Variants in UNC5D observed in about 807,000 individuals in gnomAD.
UNC5D encodes the protein netrin receptor UNC5D.
Under a neutral mutation model 105.4 loss-of-function variants are expected in UNC5D, and 39 were observed. The observed-to-expected ratio is 0.37, with a 90% confidence interval of 0.29 to 0.48. UNC5D has a LOEUF of 0.48. UNC5D is among the 20% of genes least tolerant of loss of function. The pLI is 0.98. For synonymous variants in UNC5D, 452 were observed against 450.4 expected (o/e 1.00, Z -0.04); for missense variants, 991 against 1,202.4 (o/e 0.82, Z 2.60).
chr8:35,543,656 G>T (rs998910395), intron 1 of UNC5D, among the ~76,000 whole-genome samples: 3 of 151,914 alleles, frequency 2.0e-5, no homozygotes, highest in Non-Finnish European at 4.4e-5. Flanking sequence ...ATTATTCTTT[G>T]ACTTCTTTAT....
chr8:35,777,771 C>T (rs1352299567), intron 16 of UNC5D, among the ~76,000 whole-genome samples: 1 of 152,100 alleles, frequency 6.6e-6, no homozygotes, highest in Non-Finnish European at 1.5e-5. Flanking sequence ...AGTTTGCTGA[C>T]CCCTGATTTA....
intron 3 of UNC5D, among the ~76,000 whole-genome samples, chr8:35,569,111 T>C (rs1288014510): frequency 6.6e-6 from 1 of 152,028 alleles, no homozygotes; most frequent in African/African-American, 2.4e-5. Flanking sequence ...AAATTGCTTT[T>C]CAGAAGGGTC....
chr8:35,314,459 G>A (rs924121243), intron 1 of UNC5D, among the ~76,000 whole-genome samples: 3 of 152,100 alleles, frequency 2.0e-5, no homozygotes, highest in African/African-American at 4.8e-5. Flanking sequence ...TATCATGTAA[G>A]AGACACATTT....
chr8:35,769,194 C>T (rs913981568), intron 15 of UNC5D, among the ~76,000 whole-genome samples: 4 of 152,150 alleles, frequency 2.6e-5, no homozygotes, highest in African/African-American at 4.8e-5. Flanking sequence ...ATAAAAGTCT[C>T]AAAGGCATGA....
intron 1 of UNC5D, among the ~76,000 whole-genome samples, chr8:35,539,024 TATAAC>T (rs1349592329): frequency 2.6e-5 from 4 of 152,118 alleles, no homozygotes; most frequent in African/African-American, 9.7e-5. Context: ...AAAATTTTGA[TATAAC>T]TAAATGTTCA....
At chr8:35,573,978 G>C (rs927407641) in intron 3 of UNC5D, among the ~76,000 whole-genome samples, 1 of 152,108 alleles carries the variant, frequency 6.6e-6, no homozygotes, top group Non-Finnish European at 1.5e-5. Flanking sequence ...CTATCTCTAG[G>C]GAACAACTCC....
At chr8:35,431,032 C>G (rs1297744462) in intron 1 of UNC5D, among the ~76,000 whole-genome samples, 1 of 152,088 alleles carries the variant, frequency 6.6e-6, no homozygotes, top group East Asian at 1.9e-4. Context: ...TTGGGCCAGT[C>G]ATTTAACTTC....
At chr8:35,770,647 T>C (rs755683758) in intron 15 of UNC5D, among the ~76,000 whole-genome samples, 3 of 152,224 alleles carry the variant, frequency 2.0e-5, no homozygotes, top group Non-Finnish European at 4.4e-5. Context: ...AAAACAATTT[T>C]GCAAATATTG....
rs548941236 is a variant in UNC5D, at chr8:35,469,276, T to A, written c.104-80016T>A. Among the ~76,000 whole-genome samples the A allele has an allele frequency of 1.1e-4, 17 of 152,312 alleles. No homozygotes were observed. In the South Asian group the frequency reaches 3.1e-3, roughly 28 times the overall value. On this transcript the variant is annotated intron_variant, in intron 1 of 16. Coordinates refer to ENST00000404895, the MANE Select transcript of UNC5D (RefSeq NM_080872.4). ...GCCCATTTATGTTCTATGAGTCTCA[T>A]TTCCTTCATTTTAAAGTGGGGGTAA...
intron 1 of UNC5D, among the ~76,000 whole-genome samples, chr8:35,316,812 T>G (rs771396842): frequency 2.0e-5 from 3 of 152,198 alleles, no homozygotes; most frequent in Non-Finnish European, 4.4e-5. Context: ...TTTTCTTCAT[T>G]GCTTATATTA....
intron 1 of UNC5D, among the ~76,000 whole-genome samples, chr8:35,343,366 G>A (rs1180541258): frequency 6.6e-6 from 1 of 151,912 alleles, no homozygotes; most frequent in East Asian, 1.9e-4. Flanking sequence ...TTTAATCTTT[G>A]CTAACCTGAT....
intron 3 of UNC5D, among the ~76,000 whole-genome samples, chr8:35,577,526 G>T (rs914549102): frequency 2.7e-5 from 4 of 150,934 alleles, no homozygotes. Flanking sequence ...AAAGATTATA[G>T]CTCATGAAAT....
intron 1 of UNC5D, among the ~76,000 whole-genome samples, chr8:35,243,325 G>A (rs1802906584): frequency 6.6e-6 from 1 of 152,100 alleles, no homozygotes; most frequent in Non-Finnish European, 1.5e-5. Flanking sequence ...GGCATTCTGA[G>A]GGCGCCGTCC....
chr8:35,243,481 G>C (rs1469037542), intron 1 of UNC5D, among the ~76,000 whole-genome samples: 2 of 152,120 alleles, frequency 1.3e-5, no homozygotes, highest in Non-Finnish European at 2.9e-5. Context: ...GACTCACCCA[G>C]AATTTTACCA....
intron 4 of UNC5D, among the ~76,000 whole-genome samples, chr8:35,619,340 A>G (rs1352938312): frequency 1.3e-5 from 2 of 152,228 alleles, no homozygotes; most frequent in Non-Finnish European, 2.9e-5. Context: ...GGCATGGTCA[A>G]AAGCATGCAG....
intron 1 of UNC5D, among the ~76,000 whole-genome samples, chr8:35,498,084 CAAAAAAAAAAAAAAAAAAAA>C (rs58175711): frequency 1.7e-5 from 1 of 58,150 alleles, no homozygotes; most frequent in African/African-American, 4.5e-5. Flanking sequence ...CAAAACAAAA[CAAAAAAAAAAAAAAAAAAAA>C]AAAAAAAGCG....
intron 8 of UNC5D, among the ~76,000 whole-genome samples, chr8:35,712,436 TGAGAA>T (rs1050181498): frequency 6.6e-6 from 1 of 152,222 alleles, no homozygotes; most frequent in Non-Finnish European, 1.5e-5. Flanking sequence ...ATAAGTGATT[TGAGAA>T]AAGTAAGGAA....
chr8:35,570,117 T>G (rs6995256), intron 3 of UNC5D, among the ~76,000 whole-genome samples: 4,285 of 152,300 alleles, frequency 0.028, 196 homozygotes, highest in African/African-American at 0.098. Context: ...AAATACACCT[T>G]TGTTAGTTTC....
chr8:35,691,969 T>C (rs953375039), intron 7 of UNC5D, among the ~76,000 whole-genome samples: 1 of 152,112 alleles, frequency 6.6e-6, no homozygotes, highest in Admixed American at 6.5e-5. Context: ...CCTAGATGTG[T>C]AGTGAGACTA....
Sources: gnomAD v4.1 joint callset for allele counts (sites outside exome capture counted in the v4.1 genomes callset) on GRCh38, gnomAD v4.1.1 for gene constraint, MANE v1.5 for transcripts, NCBI Gene and HGNC (gene_info 2026-07-23, HGNC 2026-07-21) for gene names.